The following ZNF385D variants were observed in gnomAD, a reference collection of about 807,000 sequenced individuals.
ZNF385D encodes the protein zinc finger protein 385D.
Under a neutral mutation model 35.8 loss-of-function variants are expected in ZNF385D, and 15 were observed. The ratio of observed to expected loss-of-function variants is 0.42; its 90% confidence interval spans 0.28 to 0.64. The LOEUF (loss-of-function observed/expected upper bound fraction) is 0.64. Ranked by LOEUF, ZNF385D falls within the 30% of genes least tolerant of loss-of-function variation. ZNF385D has a pLI of 0.23. For synonymous variants in ZNF385D, 212 were observed against 186.8 expected, an observed-to-expected ratio of 1.13 and a Z score of -1.10; for missense variants, 474 against 494.6, an observed-to-expected ratio of 0.96 and a Z score of 0.39.
rs162412 is a variant in ZNF385D at position 21,540,855 on chromosome 3, G to T, written c.276+23719C>A. On this transcript the variant is annotated intron_variant, in intron 3 of 7. Coordinates refer to ENST00000281523, the MANE Select transcript of ZNF385D (RefSeq NM_024697.3). Reference sequence around the variant, plus strand: ...AACTTTCATGGCATATCTTGCCTCCGTTTCTCTTCAACTCCCTCCTCACGA... The same window carrying T: ...AACTTTCATGGCATATCTTGCCTCCTTTTCTCTTCAACTCCCTCCTCACGA... 2.0e-5 allele frequency among the ~76,000 whole-genome samples: 3 copies of T among 151,968 alleles called. No homozygotes were observed. In the East Asian group the frequency reaches 5.8e-4, roughly 30 times the overall value.
At chr3:21,858,919 A>T (rs778268343) in intron 3 of ZNF385D, among the ~76,000 whole-genome samples, 11 of 152,066 alleles carry the variant, frequency 7.2e-5, no homozygotes, top group Non-Finnish European at 1.5e-4. Context: ...TCCAATCTGT[A>T]AATGCCACAT....
chr3:21,796,530 C>T (rs1484480483), intron 3 of ZNF385D, among the ~76,000 whole-genome samples: 1 of 152,066 alleles, frequency 6.6e-6, no homozygotes, highest in African/African-American at 2.4e-5. Context: ...GCTGGAACAA[C>T]TGGATATCCA....
intron 2 of ZNF385D, among the ~76,000 whole-genome samples, chr3:22,349,738 C>T (rs944867876): frequency 6.6e-6 from 1 of 151,026 alleles, no homozygotes. Context: ...ATGCAGTTTC[C>T]AGTGCAATAT....
chr3:21,984,916 G>C (rs201922410), intron 3 of ZNF385D, among the ~76,000 whole-genome samples: 41,269 of 133,398 alleles, frequency 0.31, 7,762 homozygotes, highest in South Asian at 0.48. Flanking sequence ...GTATTTTATT[G>C]TCTTTGAAGC....
At chr3:22,179,088 G>A (rs1285509328) in intron 2 of ZNF385D, among the ~76,000 whole-genome samples, 1 of 152,114 alleles carries the variant, frequency 6.6e-6, no homozygotes, top group Admixed American at 6.5e-5. Flanking sequence ...GGTTCCATAT[G>A]AACTTTAAAG....
At chr3:21,472,304 GA>G (rs1703944947) in intron 4 of ZNF385D, among the ~76,000 whole-genome samples, 1 of 152,044 alleles carries the variant, frequency 6.6e-6, no homozygotes, top group Admixed American at 6.6e-5. Flanking sequence ...TTGAAACTAA[GA>G]GAAAAAGCCA....
At chr3:21,722,516 A>G (rs752166768) in intron 1 of ZNF385D, among the ~76,000 whole-genome samples, 8 of 152,216 alleles carry the variant, frequency 5.3e-5, no homozygotes, top group Non-Finnish European at 1.2e-4. Flanking sequence ...TCCTCCTGCT[A>G]GAGGAAGTTG....
chr3:22,134,537 CCAAA>C (rs1703991932), intron 3 of ZNF385D: 1 of 152,070 alleles, frequency 6.6e-6, no homozygotes, highest in Non-Finnish European at 1.5e-5. Context: ...GAACACTCCA[CCAAA>C]CAGTGGCAGA....
chr3:21,782,524 A>G (rs2071533201), intron 3 of ZNF385D, among the ~76,000 whole-genome samples: 1 of 152,044 alleles, frequency 6.6e-6, no homozygotes, highest in Admixed American at 6.6e-5. Context: ...GTGCATAGAT[A>G]ATTAATGTCA....
At chr3:22,037,526 G>C (rs1193140021) in intron 3 of ZNF385D, among the ~76,000 whole-genome samples, 1 of 151,986 alleles carries the variant, frequency 6.6e-6, no homozygotes, top group Non-Finnish European at 1.5e-5. Flanking sequence ...AGAAGTGTCT[G>C]TTCATATCCT....
At chr3:21,652,168 A>G (rs1422305863) in intron 2 of ZNF385D, among the ~76,000 whole-genome samples, 2 of 152,232 alleles carry the variant, frequency 1.3e-5, no homozygotes, top group African/African-American at 2.4e-5. Context: ...TTGCCAATCT[A>G]TCTTCATAAA....
At chr3:22,254,645 C>G (rs1460645303) in intron 2 of ZNF385D, among the ~76,000 whole-genome samples, 1 of 151,650 alleles carries the variant, frequency 6.6e-6, no homozygotes, top group Non-Finnish European at 1.5e-5. Flanking sequence ...TTGTTTTTTC[C>G]TATACATACA....
intron 3 of ZNF385D, among the ~76,000 whole-genome samples, chr3:22,008,214 A>G (rs1696337516): frequency 6.6e-6 from 1 of 152,162 alleles, no homozygotes; most frequent in South Asian, 2.1e-4. Flanking sequence ...AAAATAAGGT[A>G]GACTAGGAAA....
chr3:22,350,905 T>C (rs1392940535), intron 2 of ZNF385D, among the ~76,000 whole-genome samples: 1 of 152,042 alleles, frequency 6.6e-6, no homozygotes, highest in Admixed American at 6.6e-5. Context: ...CTGGGGGATA[T>C]ACATTATTTT....
Position 21,626,329 on chromosome 3 carries a change from T to C in ZNF385D, c.165+38557A>G, listed in dbSNP as rs1383282242. 2.0e-5 allele frequency among the ~76,000 whole-genome samples: 3 copies of C among 152,176 alleles called. No individual in the cohort carries two copies. In the East Asian group the frequency reaches 5.8e-4, roughly 29 times the overall value. On this transcript the variant is annotated intron_variant, in intron 2 of 7. Transcript: ENST00000281523. ...GCTGCTACTGTGCCAGAAACTATGC[T>C]ACATGTGTTATCACAATCTTCGCAA...
At chr3:22,346,138 T>A (rs2125488036) in intron 2 of ZNF385D, among the ~76,000 whole-genome samples, 1 of 152,288 alleles carries the variant, frequency 6.6e-6, no homozygotes, top group East Asian at 1.9e-4. Flanking sequence ...CATACATGAA[T>A]TTATTTTCAT....
At chr3:21,734,244 G>A (rs895720502) in intron 1 of ZNF385D, among the ~76,000 whole-genome samples, 8 of 150,626 alleles carry the variant, frequency 5.3e-5, no homozygotes, top group African/African-American at 9.7e-5. Context: ...TTCTGATTGC[G>A]TAGATCCAGA....
chr3:21,535,347 C>G (rs1215991456), intron 3 of ZNF385D, among the ~76,000 whole-genome samples: 4 of 152,108 alleles, frequency 2.6e-5, no homozygotes, highest in Non-Finnish European at 5.9e-5. Context: ...TACCTTTGAT[C>G]CTCCTCTCTT....
rs553261744 is a variant in ZNF385D at position 22,148,660 on chromosome 3, GT to G, written c.325+20156del. Among the ~76,000 whole-genome samples, 563 of 152,232 alleles carry G rather than the reference GT, an allele frequency of 3.7e-3. 2 individuals are homozygous for G. Among genetic ancestry groups the G allele is most frequent in the Middle Eastern group, 0.017 (5 of 294 alleles). On this transcript the variant is annotated intron_variant, in intron 3 of 5. Transcript: ENST00000494108. Reference sequence around the variant, plus strand: ...GCAGGAATATGAGCTCCTTCAGATGGTTTAGCAAAGTAAGATCTACATGGTC... The same window carrying G: ...GCAGGAATATGAGCTCCTTCAGATGGTTAGCAAAGTAAGATCTACATGGTC...
Sources: gnomAD v4.1 joint callset for allele counts (sites outside exome capture counted in the v4.1 genomes callset) on GRCh38, gnomAD v4.1.1 for gene constraint, MANE v1.5 for transcripts, NCBI Gene and HGNC (gene_info 2026-07-23, HGNC 2026-07-21) for gene names.